Variants in TOP6BL observed in about 807,000 individuals in gnomAD.
TOP6BL encodes the protein type 2 DNA topoisomerase 6 subunit B-like.
At chr11:66,828,165 C>A in the TOP6BL span, 1 of 728,018 alleles carries the variant, frequency 1.4e-6, no homozygotes, top group Non-Finnish European at 2.4e-6. Context: ...GGCTTGCCTA[C>A]TGTCTGCCTC....
the TOP6BL span, among the ~76,000 whole-genome samples, chr11:66,751,072 G>C: frequency 1.3e-5 from 2 of 151,640 alleles, no homozygotes; most frequent in African/African-American, 4.9e-5. Flanking sequence ...CTGGACTGCA[G>C]TGGTGCAATC....
the TOP6BL span, among the ~76,000 whole-genome samples, chr11:66,826,638 A>G: frequency 6.6e-6 from 1 of 151,854 alleles, no homozygotes; most frequent in Admixed American, 6.6e-5. Context: ...TGTACTAACT[A>G]GCTGTGAGAT....
chr11:66,795,450 T>C, the TOP6BL span, among the ~76,000 whole-genome samples: 3 of 151,824 alleles, frequency 2.0e-5, no homozygotes, highest in Admixed American at 6.6e-5. Context: ...TGCAGGCGCA[T>C]GCCACCACAC....
At chr11:66,822,418 A>C in the TOP6BL span, 1 of 614,024 alleles carries the variant, frequency 1.6e-6, no homozygotes, top group Non-Finnish European at 2.9e-6. Context: ...TGATGTAAAA[A>C]TATGTGAGGA....
At chr11:66,814,489 C>T in the TOP6BL span, among the ~76,000 whole-genome samples, 4 of 152,104 alleles carry the variant, frequency 2.6e-5, no homozygotes, top group Admixed American at 2.6e-4. Flanking sequence ...TCTTGAACTC[C>T]TGACCTCAAG....
At chr11:66,826,413 GGTTCA>G in the TOP6BL span, among the ~76,000 whole-genome samples, 1 of 151,954 alleles carries the variant, frequency 6.6e-6, no homozygotes, top group African/African-American at 2.4e-5. Flanking sequence ...CTTATATAGT[GGTTCA>G]GTTAATACCT....
At chr11:66,791,777 C>T in the TOP6BL span, among the ~76,000 whole-genome samples, 3 of 151,650 alleles carry the variant, frequency 2.0e-5, no homozygotes, top group South Asian at 6.3e-4. Context: ...CAACACCCAA[C>T]TGTAAAAGGC....
At chr11:66,839,937 A>G in the TOP6BL span, among the ~76,000 whole-genome samples, 1 of 152,188 alleles carries the variant, frequency 6.6e-6, no homozygotes, top group Non-Finnish European at 1.5e-5. Flanking sequence ...TAGAGGACCC[A>G]GGCTCAGGTG....
chr11:66,788,656 A>G, the TOP6BL span, among the ~76,000 whole-genome samples: 9 of 152,224 alleles, frequency 5.9e-5, no homozygotes, highest in Non-Finnish European at 1.0e-4. Flanking sequence ...CTTGTAGACT[A>G]CTGCCTTGTC....
At chr11:66,796,077 G>A in the TOP6BL span, 11 of 516,432 alleles carry the variant, frequency 2.1e-5, no homozygotes, top group Middle Eastern at 5.3e-4. Context: ...CTGAAGTTCC[G>A]TGTAATAGAT....
chr11:66,749,048 TTGTGTGTGTGTGTGTGG>T, the TOP6BL span, among the ~76,000 whole-genome samples: 1 of 151,078 alleles, frequency 6.6e-6, no homozygotes, highest in Non-Finnish European at 1.5e-5. Flanking sequence ...TGTTAGCTTT[TTGTGTGTGTGTGTGTGG>T]TGTGTGTGTG....
chr11:66,823,741 C>T, the TOP6BL span, among the ~76,000 whole-genome samples: 2 of 152,002 alleles, frequency 1.3e-5, no homozygotes, highest in Non-Finnish European at 2.9e-5. Flanking sequence ...TGCTGAAACC[C>T]GGGAGGTGGA....
chr11:66,754,258 C>T, the TOP6BL span, among the ~76,000 whole-genome samples: 95 of 152,282 alleles, frequency 6.2e-4, 1 homozygote, highest in Admixed American at 2.6e-3. Context: ...CCCTTGCATT[C>T]TCTCTTTTCT....
chr11:66,825,230 A>G, the TOP6BL span, among the ~76,000 whole-genome samples: 3 of 149,084 alleles, frequency 2.0e-5, no homozygotes, highest in Admixed American at 6.7e-5. Context: ...AGTAATGTCA[A>G]CACTTTGGGA....
chr11:66,749,007 C>T, the TOP6BL span, among the ~76,000 whole-genome samples: 1 of 151,870 alleles, frequency 6.6e-6, no homozygotes, highest in Non-Finnish European at 1.5e-5. Context: ...CAGTGAGTGG[C>T]TCTGAAGCAT....
the TOP6BL span, chr11:66,758,940 A>T: frequency 1.4e-6 from 1 of 694,760 alleles, no homozygotes; most frequent in Non-Finnish European, 2.3e-6. Flanking sequence ...GTCACTTTTT[A>T]AATGTTCTGT....
At chr11:66,820,926 A>T in the TOP6BL span, among the ~76,000 whole-genome samples, 1 of 152,196 alleles carries the variant, frequency 6.6e-6, no homozygotes, top group African/African-American at 2.4e-5. Flanking sequence ...TTTTGTCTAA[A>T]AAAAGGTAAT....
chr11:66,784,857 C>G, the TOP6BL span, among the ~76,000 whole-genome samples: 5 of 151,184 alleles, frequency 3.3e-5, no homozygotes, highest in Non-Finnish European at 5.9e-5. Flanking sequence ...TACATTTGCT[C>G]TTTTACTGTG....
At chr11:66,779,773 C>G in the TOP6BL span, among the ~76,000 whole-genome samples, 1 of 152,036 alleles carries the variant, frequency 6.6e-6, no homozygotes, top group Admixed American at 6.6e-5. Context: ...AAATGTCCAA[C>G]AATGATAGAC....
Sources: gnomAD v4.1 joint callset for allele counts (sites outside exome capture counted in the v4.1 genomes callset) on GRCh38, gnomAD v4.1.1 for gene constraint, MANE v1.5 for transcripts, NCBI Gene and HGNC (gene_info 2026-07-23, HGNC 2026-07-21) for gene names.